The following ZNF532 variants were observed in gnomAD, a reference collection of about 807,000 sequenced individuals.
The protein encoded by ZNF532 is zinc finger protein 532.
Under a neutral mutation model 89.3 loss-of-function variants are expected in ZNF532, and 22 were observed. The observed-to-expected ratio is 0.25, with a 90% CI of 0.18 to 0.35. The LOEUF (loss-of-function observed/expected upper bound fraction) is 0.35, where lower values mean the gene tolerates loss of function less well. ZNF532 is among the 10% of genes least tolerant of loss of function. ZNF532 has a pLI of 1.00. For missense variants in ZNF532, 1,132 were observed against 1,643.4 expected (o/e 0.69, Z 5.38); for synonymous variants, 606 against 649.6 (o/e 0.93, Z 1.02).
Position 58,953,575 on chromosome 18 carries a change from C to A in ZNF532, c.2926C>A (p.Pro976Thr). 4 of 1,613,598 alleles carry A rather than the reference C, an allele frequency of 2.5e-6. No homozygotes were observed. The highest frequency in any genetic ancestry group is 3.4e-6 in the Non-Finnish European group (4 of 1,179,678). ...GCCTCCAAACTTGGGTATAAACTTG[C>A]CTTTGAGCATTAAGCCTGCAACTCA... is the stretch of plus-strand genomic sequence containing the variant. ...EGPPNLGINL[P>T]LSIKPATQNS... The change falls in exon 7 of 10, where the codon CCT becomes ACT. Residue 976 changes from proline to threonine, a missense_variant. By Grantham distance (38) the Pro-to-Thr change is conservative. Coordinates refer to ENST00000591808, the MANE Select transcript of ZNF532 (RefSeq NM_001375912.1).
intron 2 of ZNF532, among the ~76,000 whole-genome samples, chr18:58,886,843 A>G (rs531528677): frequency 1.3e-5 from 2 of 152,332 alleles, no homozygotes; most frequent in South Asian, 2.1e-4. Context: ...AGGAATAACT[A>G]GGGGAAGAGT....
intron 4 of ZNF532, among the ~76,000 whole-genome samples, chr18:58,936,831 T>A (rs1401890104): frequency 6.6e-6 from 1 of 152,218 alleles, no homozygotes; most frequent in East Asian, 1.9e-4. Flanking sequence ...AGTAGCCCCG[T>A]GGCCTTGTCA....
At position 58,919,415 on chromosome 18, in the gene ZNF532, A is replaced by G. The variant is rs145053958; in HGVS notation, c.1128A>G (p.Thr376=). The G allele has an allele frequency of 8.9e-5, 144 of 1,614,094 alleles. No individual in the cohort carries two copies. Among genetic ancestry groups the G allele is most frequent in the Non-Finnish European group, 1.1e-4 (132 of 1,180,040 alleles). ...CATCTTCTGGGGAAATCAAGAGAAC[A>G]GTGACCAGGGTATTGCCAGAAGTGG... ...IKTSSGEIKR[T]VTRVLPEVDL... The change falls in exon 3 of 10, where the codon ACA becomes ACG. Residue 376 remains threonine (T), a synonymous_variant. Transcript: ENST00000591808. The surrounding 1 kb of genome is among the most constrained non-coding windows in gnomAD (Gnocchi z 6.1).
At chr18:58,913,318 T>A (rs2060396016) in intron 2 of ZNF532, among the ~76,000 whole-genome samples, 1 of 152,228 alleles carries the variant, frequency 6.6e-6, no homozygotes, top group Admixed American at 6.5e-5. Context: ...AAACTGGGGA[T>A]GCTAGCTAGA....
intron 7 of ZNF532, among the ~76,000 whole-genome samples, chr18:58,973,201 C>G (rs1384847752): frequency 6.6e-6 from 1 of 152,222 alleles, no homozygotes; most frequent in Non-Finnish European, 1.5e-5. Context: ...TTACCGAGTT[C>G]AAGTGATTCT....
chr18:58,982,635 A>G (rs1234824214), intron 9 of ZNF532, among the ~76,000 whole-genome samples: 1 of 151,108 alleles, frequency 6.6e-6, no homozygotes, highest in Non-Finnish European at 1.5e-5. Context: ...CCCCCCAAAA[A>G]AAGTTAGCAG....
At chr18:58,962,938 G>A (rs1943780408) in intron 7 of ZNF532, among the ~76,000 whole-genome samples, 1 of 152,208 alleles carries the variant, frequency 6.6e-6, no homozygotes, top group Non-Finnish European at 1.5e-5. Context: ...TGATTCCAGT[G>A]TTGTGGCAGG....
In ZNF532 at chr18:58,919,066, A is replaced by G. The variant is rs368744598; in HGVS notation, c.779A>G (p.Lys260Arg). The change falls in exon 3 of 10, where the codon AAG becomes AGG. Residue 260 changes from lysine (K) to arginine (R), a missense_variant. Around this residue, in one of 9 missense-constraint regions of ZNF532, gnomAD observed 302 missense variants for 319.8 expected, o/e 0.94. Transcript: ENST00000591808. This position sits in a 1 kb window ranked among gnomAD's most constrained non-coding sequence, Gnocchi z 6.1. ...DTSLPSVAPS[K>R]TKSSSKLSSC... ...AGCCTCCCCAGCGTTGCGCCATCAAAGACAAAGTCGTCCTCCAAGCTCTCG... is the reference window on the plus strand; with the variant it reads ...AGCCTCCCCAGCGTTGCGCCATCAAGGACAAAGTCGTCCTCCAAGCTCTCG... 249 of 1,614,140 alleles carry G rather than the reference A, an allele frequency of 1.5e-4. 1 individual carries two copies. In the South Asian group the frequency reaches 2.6e-3, roughly 17 times the overall value.
Position 58,960,064 on chromosome 18 carries a change from A to G in ZNF532, c.3150+6265A>G, listed in dbSNP as rs571770465. On this transcript the variant is annotated intron_variant, in intron 7 of 9. Coordinates refer to ENST00000591808, the MANE Select transcript of ZNF532 (RefSeq NM_001375912.1). The stretch of plus-strand genomic sequence containing the variant: ...AGCGATTCTCCTGCCTCAGCCTCCT[A>G]AGTAGCTGGGATTACAGGTGCGTGC... Among the ~76,000 whole-genome samples, 9 of 152,190 alleles carry G rather than the reference A, an allele frequency of 5.9e-5. No homozygotes were observed. The East Asian group carries it at 1.4e-3, about 23-fold the overall frequency.
intron 7 of ZNF532, among the ~76,000 whole-genome samples, chr18:58,967,645 C>G (rs1252569380): frequency 6.6e-6 from 1 of 152,134 alleles, no homozygotes. Flanking sequence ...GAGAGCCTGG[C>G]AAGTTAGAGT....
chr18:58,944,939 C>A (rs1451645623), intron 5 of ZNF532, among the ~76,000 whole-genome samples: 1 of 152,164 alleles, frequency 6.6e-6, no homozygotes, highest in Non-Finnish European at 1.5e-5. Flanking sequence ...TTGGTGTGTT[C>A]TGCTCTCTTC....
chr18:58,981,310 C>T (rs113537250), intron 8 of ZNF532, 160 bp from the exon 9 acceptor site: 1 of 873,508 alleles, frequency 1.1e-6, no homozygotes. Context: ...AGGGCCACTC[C>T]TAGCAAAATT....
At chr18:58,942,704 T>C (rs1315779158) in intron 5 of ZNF532, among the ~76,000 whole-genome samples, 1 of 152,138 alleles carries the variant, frequency 6.6e-6, no homozygotes, top group Non-Finnish European at 1.5e-5. Context: ...CCTGTGGCTG[T>C]TTGGCCTACA....
At chr18:58,907,658 G>A (rs2060018797) in intron 2 of ZNF532, among the ~76,000 whole-genome samples, 1 of 152,142 alleles carries the variant, frequency 6.6e-6, no homozygotes, top group South Asian at 2.1e-4. Flanking sequence ...GAGGGTTCAG[G>A]AGAGGATGGT....
At chr18:58,971,279 GA>G (rs940904233) in intron 7 of ZNF532, among the ~76,000 whole-genome samples, 2 of 151,704 alleles carry the variant, frequency 1.3e-5, no homozygotes, top group South Asian at 2.1e-4. Flanking sequence ...CATGGCATAT[GA>G]AAAAAAAGCA....
At chr18:58,902,352 A>T (rs2059658825) in intron 2 of ZNF532, among the ~76,000 whole-genome samples, 1 of 152,136 alleles carries the variant, frequency 6.6e-6, no homozygotes, top group African/African-American at 2.4e-5. Flanking sequence ...TTGTGGATTG[A>T]TGAAATTTTG....
chr18:58,904,657 A>G (rs2059811809), intron 2 of ZNF532, among the ~76,000 whole-genome samples: 1 of 152,120 alleles, frequency 6.6e-6, no homozygotes, highest in South Asian at 2.1e-4. Flanking sequence ...GTTATTTCAT[A>G]TATTAAGTGA....
intron 2 of ZNF532, among the ~76,000 whole-genome samples, chr18:58,879,757 G>A (rs1424851159): frequency 1.3e-5 from 2 of 152,134 alleles, no homozygotes; most frequent in African/African-American, 4.8e-5. Context: ...GTTGGCCAAC[G>A]ATTGTTTTTT....
At chr18:58,917,370 G>A (rs2060674619) in intron 2 of ZNF532, among the ~76,000 whole-genome samples, 1 of 152,202 alleles carries the variant, frequency 6.6e-6, no homozygotes. Flanking sequence ...GTATGTAAGA[G>A]GAGACAAGTA....
Sources: allele counts gnomAD v4.1 joint callset (sites outside exome capture counted in the v4.1 genomes callset), GRCh38; gene constraint gnomAD v4.1.1; regional missense constraint gnomAD v4.1.1; non-coding constraint Gnocchi (gnomAD v3.1); transcripts MANE v1.5; gene names NCBI Gene and HGNC (gene_info 2026-07-23, HGNC 2026-07-21).